Variants in IQSEC1 observed in about 807,000 individuals in gnomAD.
The protein encoded by IQSEC1 is IQ motif and Sec7 domain ArfGEF 1.
A neutral mutation model predicts 91.0 loss-of-function variants in IQSEC1; 31 were observed. The ratio of observed to expected loss-of-function variants is 0.34; its 90% confidence interval spans 0.26 to 0.46. The LOEUF is 0.46. Ranked by LOEUF, IQSEC1 falls within the 20% of genes least tolerant of loss-of-function variation. The pLI, the probability that IQSEC1 is intolerant of heterozygous loss-of-function variation, is 1.00. For synonymous variants in IQSEC1, 699 were observed against 662.6 expected (o/e 1.05, Z -0.84); for missense variants, 1,388 against 1,575.6 (o/e 0.88, Z 2.02).
intron 1 of IQSEC1, among the ~76,000 whole-genome samples, chr3:13,198,312 C>CA (rs1219137983): frequency 6.6e-6 from 1 of 152,032 alleles, no homozygotes; most frequent in Non-Finnish European, 1.5e-5. Flanking sequence ...CATGTAAACA[C>CA]AAAATATTTA....
intron 1 of IQSEC1, among the ~76,000 whole-genome samples, chr3:13,051,728 TC>T (rs915256424): frequency 3.3e-5 from 5 of 152,272 alleles, no homozygotes; most frequent in African/African-American, 1.2e-4. Flanking sequence ...TCATCCCCTT[TC>T]TTGCACAGCA....
chr3:12,973,069 T>C (rs944708219), intron 1 of IQSEC1, among the ~76,000 whole-genome samples: 1 of 152,228 alleles, frequency 6.6e-6, no homozygotes, highest in African/African-American at 2.4e-5. Context: ...CATATCTTAC[T>C]AAACAAAGTA....
intron 1 of IQSEC1, among the ~76,000 whole-genome samples, chr3:12,943,222 G>A (rs943050058): frequency 6.6e-5 from 10 of 152,094 alleles, no homozygotes; most frequent in African/African-American, 2.2e-4. Context: ...GGTCCCCTCC[G>A]CCTCACCACC....
intron 12 of IQSEC1, among the ~76,000 whole-genome samples, chr3:12,907,520 G>A (rs911530894): frequency 2.6e-5 from 4 of 152,202 alleles, no homozygotes; most frequent in Non-Finnish European, 5.9e-5. Flanking sequence ...TTCGGCGGAG[G>A]GCGGCTACGA....
chr3:13,070,267 C>T (rs776929742), intron 1 of IQSEC1, among the ~76,000 whole-genome samples: 12 of 152,362 alleles, frequency 7.9e-5, no homozygotes, highest in Non-Finnish European at 1.5e-4. Flanking sequence ...CAGTCAAGTT[C>T]CTTCCCCTCT....
At position 12,935,734 on chromosome 3, in the gene IQSEC1, G is replaced by A; in HGVS notation, c.1282C>T (p.Pro428Ser). 6.2e-7 allele frequency: 1 copy of A among 1,611,394 alleles called. No homozygotes were observed. Among genetic ancestry groups the A allele is most frequent in the Non-Finnish European group, 8.5e-7 (1 of 1,179,888 alleles). The change falls in exon 3 of 14, where the codon CCC (proline) becomes TCC (serine). Residue 428 changes from proline (P) to serine (S), a missense_variant. Pro to Ser is a moderately conservative substitution (Grantham distance 74, BLOSUM62 -1). This residue lies in a region of IQSEC1 where 1,059 missense variants were observed against 1,317.8 expected (regional missense o/e 0.80). Transcript: ENST00000613206. This position sits in a 1 kb window ranked among gnomAD's most constrained non-coding sequence, Gnocchi z 8.0. ...GCCAAGTGGCTGTCCAGGGGCCTGG[G>A]GGGCCGGGGCCGCAACTCAGGCTCC... ...REEPELRPRP[P>S]RPLDSHLAIN...
Position 13,073,324 on chromosome 3 carries a change from G to C in IQSEC1, c.-310C>G, listed in dbSNP as rs1270099658. 6.6e-6 allele frequency among the ~76,000 whole-genome samples: 1 copy of C among 152,226 alleles called. No individual in the cohort carries two copies. Among genetic ancestry groups the C allele is most frequent in the Non-Finnish European group, 1.5e-5 (1 of 68,038 alleles). ...GGGGCGTCCACCTCGCTGCTACCTG[G>C]GCCCACCTTGGGGTTTTTCCCTCCC... On this transcript the variant is annotated 5_prime_UTR_variant, in exon 1 of 14. Transcript: ENST00000613206.
At chr3:13,275,649 C>A (rs965329092) in intron 1 of IQSEC1, among the ~76,000 whole-genome samples, 1 of 152,264 alleles carries the variant, frequency 6.6e-6, no homozygotes, top group Non-Finnish European at 1.5e-5. Context: ...TGGGTGGTCA[C>A]TCGCTTCGTG....
intron 12 of IQSEC1, among the ~76,000 whole-genome samples, chr3:12,904,326 T>C (rs1694724257): frequency 6.6e-6 from 1 of 152,144 alleles, no homozygotes; most frequent in South Asian, 2.1e-4. Flanking sequence ...CTCTGGCTTG[T>C]GTGACGTGGC....
chr3:13,276,881 G>C lies in IQSEC1; in HGVS notation c.272+5830C>G, dbSNP rs78818458. On this transcript the variant is annotated intron_variant, in intron 1 of 15. Transcript: ENST00000648114. ...AGCCTGGCCCGGGTCTGCCCTGGGT[G>C]GGGGCAGCACACTGGAGGCCGCTGA... Among the ~76,000 whole-genome samples the C allele has an allele frequency of 4.6e-5, 7 of 152,212 alleles. No homozygotes were observed. In the East Asian group the frequency reaches 1.4e-3, roughly 29 times the overall value.
At chr3:12,962,033 C>A (rs1700269805) in intron 1 of IQSEC1, among the ~76,000 whole-genome samples, 3 of 152,214 alleles carry the variant, frequency 2.0e-5, no homozygotes, top group African/African-American at 4.8e-5. Flanking sequence ...GAGGCTCATT[C>A]TTCTTCTCAC....
At position 13,172,792 on chromosome 3, in the gene IQSEC1, A is replaced by G. The variant is rs188091759; in HGVS notation, c.273-8659T>C. Reference sequence around the variant, plus strand: ...CCGGGGGTCTACCCAGGCTGGTACCATCGGCCAGTACGGTGAGCTCTGCCG... The same window carrying G: ...CCGGGGGTCTACCCAGGCTGGTACCGTCGGCCAGTACGGTGAGCTCTGCCG... On this transcript the variant is annotated intron_variant, in intron 1 of 15. Coordinates refer to the IQSEC1 transcript ENST00000648114. Among the ~76,000 whole-genome samples the G allele has an allele frequency of 8.5e-5, 13 of 152,304 alleles. 1 individual carries two copies. In the East Asian group the frequency reaches 2.3e-3, roughly 27 times the overall value.
intron 1 of IQSEC1, among the ~76,000 whole-genome samples, chr3:13,017,183 C>CT (rs1412073287): frequency 7.7e-6 from 1 of 130,330 alleles, no homozygotes; most frequent in Non-Finnish European, 1.7e-5. Context: ...GGCTCCCTCT[C>CT]CCCGATCACT....
At chr3:13,099,823 G>T (rs1706027027) in intron 2 of IQSEC1, among the ~76,000 whole-genome samples, 1 of 151,616 alleles carries the variant, frequency 6.6e-6, no homozygotes, top group South Asian at 2.1e-4. Flanking sequence ...CATCAGTGAA[G>T]GGGGCAGTTG....
rs778153552 is a variant in IQSEC1, at chr3:12,936,200, G to A, written c.816C>T (p.His272=). 9.9e-6 allele frequency: 16 copies of A among 1,612,852 alleles called. No individual in the cohort carries two copies. The highest frequency in any genetic ancestry group is 1.3e-5 in the African/African-American group (1 of 74,912). Residue 272 remains histidine, a synonymous_variant, in exon 3 of 14, where the codon CAC becomes CAT. Coordinates refer to ENST00000613206, the MANE Select transcript of IQSEC1 (RefSeq NM_001134382.3). Reference sequence around the variant, plus strand: ...CGTCCAGTTTGCGGTGGTCCATGCCGTGCAGGGCTGTCTGGGGTTCGGTGT... The same window carrying A: ...CGTCCAGTTTGCGGTGGTCCATGCCATGCAGGGCTGTCTGGGGTTCGGTGT... ...ARDTEPQTAL[H]GMDHRKLDEM... is the part of the protein sequence containing the mutation.
At chr3:13,028,446 A>C (rs1703714300) in intron 1 of IQSEC1, among the ~76,000 whole-genome samples, 1 of 152,214 alleles carries the variant, frequency 6.6e-6, no homozygotes. Context: ...GGGAGGGTAG[A>C]AACAGGATCC....
At chr3:13,231,295 G>A (rs1694835185) in intron 1 of IQSEC1, among the ~76,000 whole-genome samples, 1 of 152,136 alleles carries the variant, frequency 6.6e-6, no homozygotes, top group Admixed American at 6.5e-5. Context: ...GTGTGCCCAC[G>A]TGTGCACACA....
intron 1 of IQSEC1, among the ~76,000 whole-genome samples, chr3:13,174,845 C>T (rs1373176367): frequency 6.7e-6 from 1 of 149,752 alleles, no homozygotes; most frequent in African/African-American, 2.4e-5. Flanking sequence ...CCCCCCCCCA[C>T]CTCCTCCCAC....
intron 1 of IQSEC1, among the ~76,000 whole-genome samples, chr3:12,977,393 C>T (rs1440089549): frequency 6.6e-6 from 1 of 151,446 alleles, no homozygotes; most frequent in Non-Finnish European, 1.5e-5. Context: ...AAACGAATGG[C>T]CATCCTTGGT....
Sources: allele counts gnomAD v4.1 joint callset (sites outside exome capture counted in the v4.1 genomes callset), GRCh38; gene constraint gnomAD v4.1.1; regional missense constraint gnomAD v4.1.1; non-coding constraint Gnocchi (gnomAD v3.1); transcripts MANE v1.5; gene names NCBI Gene and HGNC (gene_info 2026-07-23, HGNC 2026-07-21).